The following C14orf132 variants were observed in gnomAD, a reference collection of about 807,000 sequenced individuals.
C14orf132 encodes the protein uncharacterized protein C14orf132.
C14orf132 carries 6 observed loss-of-function variants against 5.8 expected under a neutral mutation model. The ratio of observed to expected loss-of-function variants is 1.03; its 90% CI spans 0.57 to 2.04. The LOEUF (loss-of-function observed/expected upper bound fraction) is 2.04. Among genes scored for constraint, C14orf132 ranks in the 30% most tolerant of loss-of-function variants. The pLI, the probability that C14orf132 is intolerant of heterozygous loss-of-function variation, is 0.00. For synonymous variants in C14orf132, 51 were observed against 49.8 expected (o/e 1.02, Z -0.10); for missense variants, 125 against 115.8 (o/e 1.08, Z -0.37).
At chr14:96,064,178 G>A (rs1278930016) in intron 1 of C14orf132, among the ~76,000 whole-genome samples, 1 of 151,948 alleles carries the variant, frequency 6.6e-6, no homozygotes, top group African/African-American at 2.4e-5. Flanking sequence ...AGAAATAAAA[G>A]TAGAACTACC....
At position 96,055,138 on chromosome 14, in the gene C14orf132, C is replaced by A. The variant is rs546540604; in HGVS notation, c.27+15611C>A. ...AGTCAAAGGGCATTATTACTCACAC[C>A]GCAGCAAGCGACTTGAGCTTCATGC... On this transcript the variant is annotated intron_variant, in intron 1 of 1. Coordinates refer to ENST00000555004, the MANE Select transcript of C14orf132 (RefSeq NM_001252507.3). Among the ~76,000 whole-genome samples the A allele has an allele frequency of 7.2e-5, 11 of 152,276 alleles. 1 individual carries two copies. The highest frequency in any genetic ancestry group is 1.9e-4 in the East Asian group (1 of 5,182).
At chr14:96,049,355 T>A (rs1266336523) in intron 1 of C14orf132, among the ~76,000 whole-genome samples, 1 of 151,042 alleles carries the variant, frequency 6.6e-6, no homozygotes, top group South Asian at 2.1e-4. Flanking sequence ...TTATTTATTT[T>A]TTTGAGACAG....
At position 96,090,645 on chromosome 14, in the gene C14orf132, C is replaced by A. The variant is rs181670324; in HGVS notation, c.*3910C>A. The A allele has an allele frequency of 1.4e-4, 65 of 456,046 alleles. No homozygotes were observed. Among genetic ancestry groups the A allele is most frequent in the Middle Eastern group, 3.3e-4 (1 of 3,070 alleles). 28.2% of individuals were successfully genotyped at this position (456,046 alleles called of 1,614,324 possible). A position where few individuals can be genotyped will look rare whatever the true frequency, so the allele number is the denominator to read the frequency against. ...ATAAGACTCCCTGCTCCACTCTACCCCCCAGAGAGAAATGATTCTCGCTCC... is the reference window on the plus strand; with the variant it reads ...ATAAGACTCCCTGCTCCACTCTACCACCCAGAGAGAAATGATTCTCGCTCC... On this transcript the variant is annotated 3_prime_UTR_variant, in exon 2 of 2. Transcript: ENST00000555004.
chr14:96,083,632 A>T (rs2098936164), intron 1 of C14orf132, among the ~76,000 whole-genome samples: 2 of 152,206 alleles, frequency 1.3e-5, no homozygotes, highest in African/African-American at 2.4e-5. Context: ...TGAGCCCAGG[A>T]ATGTGAGCGG....
At chr14:96,053,944 T>A (rs370904204) in intron 1 of C14orf132, among the ~76,000 whole-genome samples, 1 of 152,166 alleles carries the variant, frequency 6.6e-6, no homozygotes, top group African/African-American at 2.4e-5. Flanking sequence ...CTCCTCTGCA[T>A]AGGAGACCCT....
rs547184533 is a variant in C14orf132 at position 96,086,626 on chromosome 14, C to T, written c.143C>T (p.Pro48Leu). The change falls in exon 2 of 2, where the codon CCG (proline) becomes CTG (leucine). Residue 48 changes from proline to leucine, a missense_variant. Transcript: ENST00000555004. Reference sequence around the variant, plus strand: ...GCGGCTGCCAATGGCCAGGGCCAGCCGGAAGATCCTCCTCGGTCCTCCAAC... The same window carrying T: ...GCGGCTGCCAATGGCCAGGGCCAGCTGGAAGATCCTCCTCGGTCCTCCAAC... ...VHAAANGQGQPEDPPRSSNDA... is the reference protein window; with the variant it reads ...VHAAANGQGQLEDPPRSSNDA... 62 of 1,536,164 alleles carry T rather than the reference C, an allele frequency of 4.0e-5. No homozygotes were observed. Among genetic ancestry groups the T allele is most frequent in the East Asian group, 2.7e-4 (11 of 40,920 alleles).
At position 96,090,666 on chromosome 14, in the gene C14orf132, G is replaced by T. The variant is rs537884441; in HGVS notation, c.*3931G>T. ...TACCCCCCAGAGAGAAATGATTCTCGCTCCTTTCAGATCCCCCAGGATCTG... is the reference window on the plus strand; with the variant it reads ...TACCCCCCAGAGAGAAATGATTCTCTCTCCTTTCAGATCCCCCAGGATCTG... On this transcript the variant is annotated 3_prime_UTR_variant, in exon 2 of 2. Coordinates refer to ENST00000555004, the MANE Select transcript of C14orf132 (RefSeq NM_001252507.3). 4 of 455,928 alleles carry T rather than the reference G, an allele frequency of 8.8e-6. No homozygotes were observed. The highest frequency in any genetic ancestry group is 1.5e-5 in the South Asian group (1 of 64,560). 28.2% of individuals were successfully genotyped at this position (455,928 alleles called of 1,614,324 possible). A position where few individuals can be genotyped will look rare whatever the true frequency, so the allele number is the denominator to read the frequency against.
At chr14:96,044,205 G>T (rs1886773873) in intron 1 of C14orf132, among the ~76,000 whole-genome samples, 1 of 152,160 alleles carries the variant, frequency 6.6e-6, no homozygotes, top group Admixed American at 6.5e-5. Context: ...ACACGGTCTT[G>T]TTCTGTTGCC....
intron 1 of C14orf132, among the ~76,000 whole-genome samples, chr14:96,077,968 T>C (rs1887926170): frequency 6.6e-6 from 1 of 151,980 alleles, no homozygotes; most frequent in Non-Finnish European, 1.5e-5. Flanking sequence ...ACTTAGGGGG[T>C]TCCCTTCTCC....
intron 1 of C14orf132, among the ~76,000 whole-genome samples, chr14:96,065,465 C>T (rs949038708): frequency 2.6e-5 from 4 of 152,046 alleles, no homozygotes; most frequent in East Asian, 3.9e-4. Context: ...GCCGTTGCCC[C>T]GGCCGCCGCT....
At chr14:96,046,877 G>T (rs1886845149) in intron 1 of C14orf132, among the ~76,000 whole-genome samples, 1 of 152,228 alleles carries the variant, frequency 6.6e-6, no homozygotes, top group Non-Finnish European at 1.5e-5. Context: ...TATTGGAGAG[G>T]TGATTTTGTT....
intron 1 of C14orf132, among the ~76,000 whole-genome samples, chr14:96,045,490 A>T (rs1363071098): frequency 2.6e-5 from 4 of 152,158 alleles, no homozygotes; most frequent in Non-Finnish European, 1.5e-5. Flanking sequence ...GAAACCAGCC[A>T]GGTGACCTCA....
At chr14:96,078,611 G>A (rs1887944135) in intron 1 of C14orf132, among the ~76,000 whole-genome samples, 1 of 152,168 alleles carries the variant, frequency 6.6e-6, no homozygotes, top group African/African-American at 2.4e-5. Flanking sequence ...TAATGGTCCT[G>A]TGGGTCCCAG....
chr14:96,092,912 C>T lies in C14orf132; in HGVS notation c.*6177C>T, dbSNP rs1888462055. The T allele has an allele frequency of 6.6e-6, 1 of 152,190 alleles. No homozygotes were observed. The highest frequency in any genetic ancestry group is 2.4e-5 in the African/African-American group (1 of 41,438). 9.4% of individuals were successfully genotyped at this position (152,190 alleles called of 1,614,324 possible). ...TCATGGGTGGAGGCCAGGGATGCCA[C>T]CGAACATCCTACAATGCACAGGGCA... On this transcript the variant is annotated 3_prime_UTR_variant, in exon 2 of 2. Coordinates refer to ENST00000555004, the MANE Select transcript of C14orf132 (RefSeq NM_001252507.3).
intron 1 of C14orf132, among the ~76,000 whole-genome samples, chr14:96,074,006 G>A (rs942360147): frequency 3.9e-5 from 6 of 152,156 alleles, no homozygotes; most frequent in Non-Finnish European, 7.3e-5. Context: ...GTGGACACAT[G>A]GGGGACACTG....
rs921916508 is a variant in C14orf132 at position 96,087,316 on chromosome 14, A to T, written c.*581A>T. On this transcript the variant is annotated 3_prime_UTR_variant, in exon 2 of 2. Transcript: ENST00000555004. Reference sequence around the variant, plus strand: ...AAGACCCAAGTGCATTGGGAGACCCAGGGATGGGGGGTTACTGGTAATAGG... The same window carrying T: ...AAGACCCAAGTGCATTGGGAGACCCTGGGATGGGGGGTTACTGGTAATAGG... The T allele has an allele frequency of 1.3e-5, 2 of 152,340 alleles. No individual in the cohort carries two copies. The highest frequency in any genetic ancestry group is 4.8e-5 in the African/African-American group (2 of 41,264). 9.4% of individuals were successfully genotyped at this position (152,340 alleles called of 1,614,324 possible). A position where few individuals can be genotyped will look rare whatever the true frequency, so the allele number is the denominator to read the frequency against.
At chr14:96,046,379 AG>A (rs1261927579) in intron 1 of C14orf132, among the ~76,000 whole-genome samples, 1 of 152,208 alleles carries the variant, frequency 6.6e-6, no homozygotes, top group African/African-American at 2.4e-5. Context: ...AGACTAAACA[AG>A]GGTGTGTAGA....
chr14:96,059,762 G>C (rs1595175818), intron 1 of C14orf132, among the ~76,000 whole-genome samples: 1 of 152,282 alleles, frequency 6.6e-6, no homozygotes, highest in East Asian at 1.9e-4. Context: ...CTTCTCACCT[G>C]GGGGGTGTCT....
At chr14:96,056,743 T>C (rs1158546286) in intron 1 of C14orf132, among the ~76,000 whole-genome samples, 2 of 152,160 alleles carry the variant, frequency 1.3e-5, no homozygotes, top group East Asian at 1.9e-4. Flanking sequence ...AGATCTCTTA[T>C]TTCATGGGGA....
Sources: gnomAD v4.1 joint callset for allele counts (sites outside exome capture counted in the v4.1 genomes callset) on GRCh38, gnomAD v4.1.1 for gene constraint, MANE v1.5 for transcripts, NCBI Gene and HGNC (gene_info 2026-07-23, HGNC 2026-07-21) for gene names.